The following LNX2 variants were observed in gnomAD, a reference collection of about 807,000 sequenced individuals.
The protein encoded by LNX2 is ligand of Numb protein X 2.
LNX2 carries 35 observed loss-of-function variants against 66.2 expected under a neutral mutation model. That is an observed-to-expected ratio of 0.53 (90% CI 0.40 to 0.70). The LOEUF (loss-of-function observed/expected upper bound fraction) is 0.70, where lower values mean the gene tolerates loss of function less well. Ranked by LOEUF, LNX2 falls within the 30% of genes least tolerant of loss-of-function variation. The pLI, the probability that LNX2 is intolerant of heterozygous loss-of-function variation, is 0.00. For missense variants in LNX2, 791 were observed against 850.8 expected (o/e 0.93, Z 0.87); for synonymous variants, 337 against 315.6 (o/e 1.07, Z -0.72).
chr13:27,564,082 C>T (rs1384777666), intron 4 of LNX2, among the ~76,000 whole-genome samples: 2 of 152,222 alleles, frequency 1.3e-5, no homozygotes, highest in African/African-American at 4.8e-5. Context: ...AAGCTACCTA[C>T]CTGTAGGTTC....
At chr13:27,553,966 G>A (rs9512746) in intron 7 of LNX2, among the ~76,000 whole-genome samples, 50,728 of 151,988 alleles carry the variant, frequency 0.33, 8,680 homozygotes, top group Middle Eastern at 0.39. Context: ...TGAAACTTGC[G>A]GTTTGAATGT....
At chr13:27,563,562 T>C (rs780611645) in intron 4 of LNX2, among the ~76,000 whole-genome samples, 23 of 152,148 alleles carry the variant, frequency 1.5e-4, no homozygotes, top group Non-Finnish European at 3.1e-4. Context: ...ACTTAGAAAA[T>C]ACACCTAACT....
At chr13:27,589,016 A>G (rs1376953807) in intron 1 of LNX2, among the ~76,000 whole-genome samples, 1 of 152,234 alleles carries the variant, frequency 6.6e-6, no homozygotes, top group African/African-American at 2.4e-5. Flanking sequence ...TTGTGAAAAC[A>G]GTTTTGACCC....
chr13:27,572,148 C>T (rs139573529), intron 2 of LNX2, among the ~76,000 whole-genome samples: 1 of 152,054 alleles, frequency 6.6e-6, no homozygotes, highest in Non-Finnish European at 1.5e-5. Flanking sequence ...AAAATTTGTA[C>T]CTAGAAACAC....
intron 1 of LNX2, among the ~76,000 whole-genome samples, chr13:27,619,061 G>T (rs1449931099): frequency 6.6e-6 from 1 of 152,140 alleles, no homozygotes; most frequent in Non-Finnish European, 1.5e-5. Context: ...GTGGCTAAAT[G>T]AATAAATAAT....
At chr13:27,560,994 GTA>G (rs1303298820) in intron 5 of LNX2, among the ~76,000 whole-genome samples, 1 of 152,090 alleles carries the variant, frequency 6.6e-6, no homozygotes, top group Non-Finnish European at 1.5e-5. Context: ...AAGACATGGA[GTA>G]TATGTTATTT....
chr13:27,578,641 G>A (rs1001274949), intron 2 of LNX2, among the ~76,000 whole-genome samples: 1 of 152,186 alleles, frequency 6.6e-6, no homozygotes, highest in Non-Finnish European at 1.5e-5. Context: ...AACCACTTAT[G>A]TAAGAACTTT....
Position 27,556,248 on chromosome 13 carries a change from T to C in LNX2, c.1534A>G (p.Arg512Gly), listed in dbSNP as rs1385793859. ...GATCCCATCTTACCTCTCTTTATTC[T>C]GCCATCTCGTGCAAGGCAGCCATGG... ...PPHGCLARDGRIKRGDVLLNI... is the reference protein window; with the variant it reads ...PPHGCLARDGGIKRGDVLLNI... Residue 512 changes from arginine to glycine, a missense_variant, in exon 7 of 10, where the codon AGA becomes GGA. Physicochemically the swap from Arg to Gly is moderately radical, Grantham distance 125. Coordinates refer to ENST00000316334, the MANE Select transcript of LNX2 (RefSeq NM_153371.4). The C allele has an allele frequency of 6.2e-7, 1 of 1,613,728 alleles. No individual in the cohort carries two copies. Among genetic ancestry groups the C allele is most frequent in the Non-Finnish European group, 8.5e-7 (1 of 1,179,840 alleles).
At position 27,581,811 on chromosome 13, in the gene LNX2, A is replaced by G; in HGVS notation, c.-100-8T>C. On this transcript the variant is annotated splice_polypyrimidine_tract_variant and splice_region_variant and intron_variant, in intron 1 of 9. Transcript: ENST00000316334. ...AAGTCAAGGTGTGTTTTTCTAGATAAGCAAAACAAACACATTAAAAAAGGT... is the reference window on the plus strand; with the variant it reads ...AAGTCAAGGTGTGTTTTTCTAGATAGGCAAAACAAACACATTAAAAAAGGT... 1.2e-6 allele frequency: 1 copy of G among 834,424 alleles called. No homozygotes were observed. Among genetic ancestry groups the G allele is most frequent in the Non-Finnish European group, 1.8e-6 (1 of 545,386 alleles). The allele number at this position is 834,424 out of a possible 1,614,324, so 51.7% of individuals were successfully genotyped here.
chr13:27,546,197 T>C lies in LNX2; in HGVS notation c.*2138A>G, dbSNP rs566779476. On this transcript the variant is annotated 3_prime_UTR_variant, in exon 10 of 10. Coordinates refer to ENST00000316334, the MANE Select transcript of LNX2 (RefSeq NM_153371.4). The stretch of plus-strand genomic sequence containing the variant: ...ATAAAAATGAGAGTGAAGAAATTTC[T>C]TCTTTCAAAATACTCATTATGCCAC... 1 of 152,358 alleles carries C rather than the reference T, an allele frequency of 6.6e-6. No homozygotes were observed. Among genetic ancestry groups the C allele is most frequent in the Admixed American group, 6.5e-5 (1 of 15,298 alleles). The allele number at this position is 152,358 out of a possible 1,614,324, so 9.4% of individuals were successfully genotyped here.
chr13:27,594,257 T>C (rs1194056953), intron 1 of LNX2, among the ~76,000 whole-genome samples: 1 of 152,234 alleles, frequency 6.6e-6, no homozygotes, highest in Non-Finnish European at 1.5e-5. Context: ...GTGAAGTGTC[T>C]GTTTATAACC....
chr13:27,596,587 T>G (rs1050739592), intron 1 of LNX2, among the ~76,000 whole-genome samples: 11 of 152,204 alleles, frequency 7.2e-5, no homozygotes, highest in African/African-American at 2.7e-4. Flanking sequence ...CTTAACTTTT[T>G]CTCTTTTTCT....
At chr13:27,561,922 C>A (rs1955140391) in intron 5 of LNX2, among the ~76,000 whole-genome samples, 1 of 152,164 alleles carries the variant, frequency 6.6e-6, no homozygotes, top group African/African-American at 2.4e-5. Flanking sequence ...GCTATGAGGA[C>A]AAATTTTATC....
chr13:27,562,637 G>T lies in LNX2; in HGVS notation c.1000C>A (p.Arg334=). 11 of 1,614,114 alleles carry T rather than the reference G, an allele frequency of 6.8e-6. No individual in the cohort carries two copies. Among genetic ancestry groups the T allele is most frequent in the Non-Finnish European group, 9.3e-6 (11 of 1,180,022 alleles). Residue 334 remains arginine, a synonymous_variant, in exon 5 of 10, where the codon CGA becomes AGA. Transcript: ENST00000316334. ...AGAGCCACTTGGAAAATCTCTTCTCGTGGAGAGTTACTATCAGAATGGTTG... is the reference window on the plus strand; with the variant it reads ...AGAGCCACTTGGAAAATCTCTTCTCTTGGAGAGTTACTATCAGAATGGTTG... The part of the protein sequence containing the change: ...AHNHSDSNSP[R]EEIFQVALHK...
At position 27,547,301 on chromosome 13, in the gene LNX2, G is replaced by C. The variant is rs1360461684; in HGVS notation, c.*1034C>G. 6.6e-6 allele frequency: 1 copy of C among 152,150 alleles called. No homozygotes were observed. Among genetic ancestry groups the C allele is most frequent in the African/African-American group, 2.4e-5 (1 of 41,446 alleles). The allele number at this position is 152,150 out of a possible 1,614,324, so 9.4% of individuals were successfully genotyped here. The stretch of plus-strand genomic sequence containing the variant: ...ATAGCAAAACATTCCTCTGGAAATA[G>C]ATTTTTAATGCTTTTGGGCTGTTCA... On this transcript the variant is annotated 3_prime_UTR_variant, in exon 10 of 10. Coordinates refer to ENST00000316334, the MANE Select transcript of LNX2 (RefSeq NM_153371.4).
chr13:27,559,716 A>AT, intron 6 of LNX2, 126 bp downstream of exon 6: 1 of 887,644 alleles, frequency 1.1e-6, no homozygotes, highest in Non-Finnish European at 1.6e-6. Context: ...CCTCATTTGA[A>AT]TCTTTTTTTT....
chr13:27,558,116 T>C (rs1019179018), intron 6 of LNX2, among the ~76,000 whole-genome samples: 3 of 151,240 alleles, frequency 2.0e-5, no homozygotes, highest in Admixed American at 1.3e-4. Flanking sequence ...ACTGGGAAGC[T>C]TTATAGAAGA....
At chr13:27,560,565 G>GCATA (rs1242930383) in intron 5 of LNX2, among the ~76,000 whole-genome samples, 2 of 119,964 alleles carry the variant, frequency 1.7e-5, no homozygotes, top group Non-Finnish European at 3.5e-5. Context: ...ATGTATGTGT[G>GCATA]TATATATATA....
chr13:27,616,715 C>T (rs1373167902), intron 1 of LNX2, among the ~76,000 whole-genome samples: 1 of 152,166 alleles, frequency 6.6e-6, no homozygotes, highest in Non-Finnish European at 1.5e-5. Flanking sequence ...AACTAGAGGA[C>T]AATTTATTAT....
Sources: gnomAD v4.1 joint callset for allele counts (sites outside exome capture counted in the v4.1 genomes callset) on GRCh38, gnomAD v4.1.1 for gene constraint, MANE v1.5 for transcripts, NCBI Gene and HGNC (gene_info 2026-07-23, HGNC 2026-07-21) for gene names.